The following DPP10 variants were observed in gnomAD, a reference collection of about 807,000 sequenced individuals.
DPP10 encodes the protein inactive dipeptidyl peptidase 10.
Under a neutral mutation model 120.9 loss-of-function variants are expected in DPP10, and 33 were observed. The ratio of observed to expected loss-of-function variants is 0.27; its 90% confidence interval spans 0.21 to 0.37. The LOEUF (loss-of-function observed/expected upper bound fraction) is 0.37. Ranked by LOEUF, DPP10 falls within the 10% of genes least tolerant of loss-of-function variation. The pLI is 1.00. For missense variants in DPP10, 816 were observed against 942.8 expected, an observed-to-expected ratio of 0.87 and a Z score of 1.76; for synonymous variants, 337 against 326.1, an observed-to-expected ratio of 1.03 and a Z score of -0.36.
chr2:114,456,044 C>G (rs1678568054), intron 1 of DPP10, among the ~76,000 whole-genome samples: 1 of 152,118 alleles, frequency 6.6e-6, no homozygotes, highest in Non-Finnish European at 1.5e-5. Flanking sequence ...AGGCACTTGA[C>G]TATCCCATCA....
chr2:114,978,569 T>A (rs1699893499), intron 1 of DPP10, among the ~76,000 whole-genome samples: 1 of 152,168 alleles, frequency 6.6e-6, no homozygotes, highest in Admixed American at 6.5e-5. Flanking sequence ...CTACTCTTTG[T>A]TCTTTCCTCA....
intron 1 of DPP10, among the ~76,000 whole-genome samples, chr2:115,254,519 C>G (rs1463455995): frequency 6.6e-6 from 1 of 152,210 alleles, no homozygotes; most frequent in East Asian, 1.9e-4. Flanking sequence ...TAACGCCCTT[C>G]CAACAGTCCC....
At chr2:115,368,637 A>G (rs979831089) in intron 3 of DPP10, among the ~76,000 whole-genome samples, 10 of 151,994 alleles carry the variant, frequency 6.6e-5, no homozygotes, top group Admixed American at 6.6e-5. Context: ...TGTACTTATT[A>G]CTAGATTAAA....
chr2:115,219,194 C>T (rs577643293), intron 1 of DPP10, among the ~76,000 whole-genome samples: 2 of 152,098 alleles, frequency 1.3e-5, no homozygotes, highest in Non-Finnish European at 2.9e-5. Flanking sequence ...AACACATGCT[C>T]ATAACATAGG....
intron 1 of DPP10, among the ~76,000 whole-genome samples, chr2:114,984,116 G>A (rs75564414): frequency 0.012 from 1,825 of 152,170 alleles, 35 homozygotes; most frequent in African/African-American, 0.042. Context: ...GGACTTTCTG[G>A]CCCTGTACTT....
chr2:114,783,869 T>A (rs1182741079), intron 1 of DPP10, among the ~76,000 whole-genome samples: 1 of 152,000 alleles, frequency 6.6e-6, no homozygotes, highest in Non-Finnish European at 1.5e-5. Flanking sequence ...TTCCCCATCC[T>A]ACCTCTTGCT....
chr2:114,794,390 A>G (rs1683512760), intron 1 of DPP10, among the ~76,000 whole-genome samples: 1 of 152,200 alleles, frequency 6.6e-6, no homozygotes, highest in Non-Finnish European at 1.5e-5. Context: ...CAGATTTCAC[A>G]GAACTTAGAG....
chr2:115,449,898 G>C (rs1465762208), intron 3 of DPP10, among the ~76,000 whole-genome samples: 1 of 151,966 alleles, frequency 6.6e-6, no homozygotes, highest in Non-Finnish European at 1.5e-5. Flanking sequence ...TAAATTCAGG[G>C]CATTTTAAAC....
chr2:115,631,571 C>G (rs991387517), intron 5 of DPP10, among the ~76,000 whole-genome samples: 4 of 152,122 alleles, frequency 2.6e-5, no homozygotes, highest in Non-Finnish European at 5.9e-5. Context: ...TTCCTCTTAA[C>G]ACTGCTTTAG....
intron 5 of DPP10, among the ~76,000 whole-genome samples, chr2:115,552,398 T>A (rs2079930731): frequency 6.6e-6 from 1 of 152,034 alleles, no homozygotes; most frequent in South Asian, 2.1e-4. Flanking sequence ...TACTCTGAAT[T>A]TTGTCTTGTA....
chr2:115,481,209 GC>G (rs2075405762), intron 3 of DPP10, among the ~76,000 whole-genome samples: 1 of 152,068 alleles, frequency 6.6e-6, no homozygotes. Flanking sequence ...TTACTCATAT[GC>G]CCCTTTCAAC....
At chr2:114,591,972 T>C (rs1306134518) in intron 1 of DPP10, among the ~76,000 whole-genome samples, 3 of 152,160 alleles carry the variant, frequency 2.0e-5, no homozygotes, top group Non-Finnish European at 4.4e-5. Flanking sequence ...TTAGGAAAAG[T>C]GATACTAGAG....
At position 115,766,284 on chromosome 2, in the gene DPP10, A is replaced by ATGTGTGTGTG. The variant is rs1367029368; in HGVS notation, c.1114-2012_1114-2011insGTGTGTGTGT. 6.8e-4 allele frequency among the ~76,000 whole-genome samples: 34 copies of ATGTGTGTGTG among 50,156 alleles called. No individual in the cohort carries two copies. The East Asian group carries it at 0.02, about 30-fold the overall frequency. The allele number at this position is 50,156 out of a possible 152,430, so 32.9% of individuals were successfully genotyped here. A position where few individuals can be genotyped will look rare whatever the true frequency, so the allele number is the denominator to read the frequency against. ...CAATGAACAAAAATACTCATTATATATATGTGTGTGTGTGTGTGTGTGTGT... is the reference window on the plus strand; with the variant it reads ...CAATGAACAAAAATACTCATTATATATGTGTGTGTGTATGTGTGTGTGTGTGTGTGTGTGT... On this transcript the variant is annotated intron_variant, in intron 12 of 25. Coordinates refer to ENST00000410059, the MANE Select transcript of DPP10 (RefSeq NM_020868.6).
chr2:114,569,113 T>C (rs912747801), intron 1 of DPP10, among the ~76,000 whole-genome samples: 5 of 152,164 alleles, frequency 3.3e-5, no homozygotes, highest in South Asian at 4.1e-4. Context: ...TTTAGAGACA[T>C]GGTAATTTAG....
intron 1 of DPP10, among the ~76,000 whole-genome samples, chr2:114,651,985 G>C (rs1351611205): frequency 6.6e-6 from 1 of 152,134 alleles, no homozygotes; most frequent in Non-Finnish European, 1.5e-5. Flanking sequence ...GGTCTAACAA[G>C]CTCCCAGATG....
chr2:115,462,621 G>A (rs970143758), intron 3 of DPP10, among the ~76,000 whole-genome samples: 5 of 152,082 alleles, frequency 3.3e-5, no homozygotes, highest in Non-Finnish European at 4.4e-5. Flanking sequence ...ATCCGAAACC[G>A]TAATAGGTTG....
intron 5 of DPP10, among the ~76,000 whole-genome samples, chr2:115,633,977 A>G (rs2086109391): frequency 6.6e-6 from 1 of 151,762 alleles, no homozygotes; most frequent in African/African-American, 2.4e-5. Flanking sequence ...GGTTTTGTTC[A>G]TTCCTTTTCA....
intron 3 of DPP10, among the ~76,000 whole-genome samples, chr2:115,496,715 A>G (rs1277878525): frequency 3.3e-5 from 5 of 152,046 alleles, no homozygotes; most frequent in Non-Finnish European, 7.4e-5. Context: ...GTGCTTGTGT[A>G]CTCACCCAAT....
At chr2:114,513,521 CAAAAA>C (rs10712243) in intron 1 of DPP10, among the ~76,000 whole-genome samples, 1 of 74,976 alleles carries the variant, frequency 1.3e-5, no homozygotes, top group African/African-American at 5.3e-5. Flanking sequence ...AACTCTACCT[CAAAAA>C]AAAAAAAAAA....
Sources: gnomAD v4.1 joint callset for allele counts (sites outside exome capture counted in the v4.1 genomes callset) on GRCh38, gnomAD v4.1.1 for gene constraint, MANE v1.5 for transcripts, NCBI Gene and HGNC (gene_info 2026-07-23, HGNC 2026-07-21) for gene names.